The following MED1 variants were observed in gnomAD, a reference collection of about 807,000 sequenced individuals.
MED1 encodes the protein mediator of RNA polymerase II transcription subunit 1.
A neutral mutation model predicts 121.3 loss-of-function variants in MED1; 17 were observed. The ratio of observed to expected loss-of-function variants is 0.14; its 90% confidence interval spans 0.10 to 0.21. MED1 has a LOEUF of 0.21. Ranked by LOEUF, MED1 falls within the 10% of genes least tolerant of loss-of-function variation. The pLI, the probability that MED1 is intolerant of heterozygous loss-of-function variation, is 1.00. For missense variants in MED1, 1,558 were observed against 1,919.4 expected (o/e 0.81, Z 3.52); for synonymous variants, 661 against 694.4 (o/e 0.95, Z 0.76).
chr17:39,447,859 T>G lies in MED1; in HGVS notation c.71A>C (p.His24Pro). The G allele has an allele frequency of 6.2e-7, 1 of 1,613,904 alleles. No homozygotes were observed. The highest frequency in any genetic ancestry group is 8.5e-7 in the Non-Finnish European group (1 of 1,179,838). Residue 24 changes from histidine (H) to proline (P), a missense_variant, in exon 2 of 17, where the codon CAT becomes CCT. His to Pro is a moderately conservative substitution (Grantham distance 77, BLOSUM62 -2). Transcript: ENST00000300651. ...SKMSSLLERL[H>P]AKFNQNRPWS... ...GGGTCTATTTTGGTTAAATTTTGCA[T>G]GGAGCCGTTCCAGGAGAGAACTCAT...
At chr17:39,446,207 T>C (rs1345042932) in intron 2 of MED1, among the ~76,000 whole-genome samples, 2 of 151,584 alleles carry the variant, frequency 1.3e-5, no homozygotes, top group Admixed American at 6.6e-5. Flanking sequence ...TCCCAGCACT[T>C]TGAGAGGCCG....
chr17:39,409,367 C>G lies in MED1; in HGVS notation c.2854G>C (p.Gly952Arg). 1 of 1,614,048 alleles carries G rather than the reference C, an allele frequency of 6.2e-7. No homozygotes were observed. The highest frequency in any genetic ancestry group is 8.5e-7 in the Non-Finnish European group (1 of 1,180,006). Reference protein sequence around the residue: ...APADLMEHHSGSQGPLLTTGD... With the variant: ...APADLMEHHSRSQGPLLTTGD... ...GTGGTCAGTAAAGGACCCTGACTACCACTGTGATGCTCCATAAGATCTGCA... is the reference window on the plus strand; with the variant it reads ...GTGGTCAGTAAAGGACCCTGACTACGACTGTGATGCTCCATAAGATCTGCA... Residue 952 changes from glycine to arginine, a missense_variant, in exon 17 of 17, where the codon GGT becomes CGT. By Grantham distance (125) the Gly-to-Arg change is moderately radical. Coordinates refer to ENST00000300651, the MANE Select transcript of MED1 (RefSeq NM_004774.4).
At chr17:39,415,814 C>CAA (rs61614470) in intron 14 of MED1, among the ~76,000 whole-genome samples, 81 of 40,632 alleles carry the variant, frequency 2.0e-3, no homozygotes, top group African/African-American at 4.9e-3. Context: ...GACTCCATCT[C>CAA]AAAAAAAAAA....
chr17:39,415,814 C>CAAA (rs61614470), intron 14 of MED1, among the ~76,000 whole-genome samples: 5 of 40,638 alleles, frequency 1.2e-4, no homozygotes, highest in African/African-American at 3.1e-4. Flanking sequence ...GACTCCATCT[C>CAAA]AAAAAAAAAA....
In MED1 at chr17:39,440,690, G is replaced by A. The variant is rs1567652351; in HGVS notation, c.212-13C>T. On this transcript the variant is annotated splice_polypyrimidine_tract_variant and intron_variant, in intron 3 of 16. Transcript: ENST00000300651. This position sits in a 1 kb window ranked among gnomAD's most constrained non-coding sequence, Gnocchi z 4.1. ...GGTAAAGATGTTACTATAAAAGGATGAAAAAAGGAGTCACAAAGAATGCTC... is the reference window on the plus strand; with the variant it reads ...GGTAAAGATGTTACTATAAAAGGATAAAAAAAGGAGTCACAAAGAATGCTC... The A allele has an allele frequency of 1.9e-6, 3 of 1,603,434 alleles. No homozygotes were observed. Among genetic ancestry groups the A allele is most frequent in the Non-Finnish European group, 2.6e-6 (3 of 1,174,806 alleles).
chr17:39,431,677 A>G (rs1054138221), intron 8 of MED1, among the ~76,000 whole-genome samples: 17 of 152,222 alleles, frequency 1.1e-4, no homozygotes, highest in Non-Finnish European at 4.4e-5. Context: ...CCAAGTACAC[A>G]CCAGTATGTA....
At chr17:39,423,470 T>C (rs760243355) in intron 12 of MED1, 25 bp from the exon 13 acceptor site, 4 of 1,562,472 alleles carry the variant, frequency 2.6e-6, no homozygotes, top group Admixed American at 1.7e-5. Context: ...ATCAATATAA[T>C]GATCATGTTA....
chr17:39,440,272 C>T lies in MED1; in HGVS notation c.399+114G>A. ...TTTGTAGCCCATCACATCATCTCTA[C>T]AGTGGCTCATGGAAAAACCTAAACC... On this transcript the variant is annotated intron_variant, in intron 5 of 16. Transcript: ENST00000300651. The surrounding 1 kb of genome is among the most constrained non-coding windows in gnomAD (Gnocchi z 4.1). 9.2e-7 allele frequency: 1 copy of T among 1,081,902 alleles called. No individual in the cohort carries two copies. Among genetic ancestry groups the T allele is most frequent in the Non-Finnish European group, 1.3e-6 (1 of 769,516 alleles). The allele number at this position is 1,081,902 out of a possible 1,614,324, so 67.0% of individuals were successfully genotyped here.
At chr17:39,428,353 A>T (rs958608574) in intron 9 of MED1, among the ~76,000 whole-genome samples, 13 of 152,126 alleles carry the variant, frequency 8.5e-5, no homozygotes, top group African/African-American at 2.9e-4. Context: ...GCATGGTGGC[A>T]CGCGCCTGTA....
Position 39,410,687 on chromosome 17 carries a change from G to T in MED1, c.1534C>A (p.Arg512=), listed in dbSNP as rs370909230. 2.5e-6 allele frequency: 4 copies of T among 1,612,870 alleles called. No homozygotes were observed. The highest frequency in any genetic ancestry group is 1.1e-5 in the South Asian group (1 of 91,018). The change falls in exon 17 of 17, where the codon CGG becomes AGG. Residue 512 remains arginine (R), a synonymous_variant. Transcript: ENST00000300651. ...MSIPVTMRAI[R]RKAETIQADT... is the part of the protein sequence containing the mutation. ...GCTTGAATGGTTTCAGCTTTCCTCC[G>T]AATAGCCCTCATCGTCACAGGGATG...
At chr17:39,448,423 T>C (rs1351103478) in intron 1 of MED1, among the ~76,000 whole-genome samples, 1 of 150,868 alleles carries the variant, frequency 6.6e-6, no homozygotes, top group African/African-American at 2.4e-5. Context: ...GTGCCTGTAG[T>C]CAGTCCCCAG....
intron 7 of MED1, among the ~76,000 whole-genome samples, chr17:39,432,474 G>A (rs4410117): frequency 0.62 from 93,840 of 151,606 alleles, 32,179 homozygotes; most frequent in South Asian, 0.89. Flanking sequence ...CTGGCCAGGC[G>A]CAGTGGCTCA....
intron 16 of MED1, among the ~76,000 whole-genome samples, chr17:39,412,826 C>T (rs1597853567): frequency 6.6e-6 from 1 of 152,060 alleles, no homozygotes; most frequent in Admixed American, 6.6e-5. Flanking sequence ...GTGACCCCCG[C>T]ACCCGGCCGC....
rs186182890 is a variant in MED1, at chr17:39,432,779, A to C, written c.501-763T>G. Among the ~76,000 whole-genome samples the C allele has an allele frequency of 7.9e-5, 12 of 151,758 alleles. No homozygotes were observed. In the East Asian group the frequency reaches 1.4e-3, roughly 17 times the overall value. On this transcript the variant is annotated intron_variant, in intron 7 of 16. Coordinates refer to ENST00000300651, the MANE Select transcript of MED1 (RefSeq NM_004774.4). ...AAAAAAAAACAAAAACCAAAAAAAAAACTGGCCAGGCGCGGTGGCTCACGC... is the reference window on the plus strand; with the variant it reads ...AAAAAAAAACAAAAACCAAAAAAAACACTGGCCAGGCGCGGTGGCTCACGC...
chr17:39,435,307 C>G (rs2048607976), intron 6 of MED1, among the ~76,000 whole-genome samples: 1 of 151,198 alleles, frequency 6.6e-6, no homozygotes, highest in Non-Finnish European at 1.5e-5. Flanking sequence ...GGCAAAATAC[C>G]CATTAGAAAA....
rs769913254 is a variant in MED1 at position 39,427,806 on chromosome 17, C to A, written c.650-16G>T. The A allele has an allele frequency of 6.9e-7, 1 of 1,448,184 alleles. No individual in the cohort carries two copies. Among genetic ancestry groups the A allele is most frequent in the Admixed American group, 1.8e-5 (1 of 54,994 alleles). The allele number at this position is 1,448,184 out of a possible 1,614,324, so 89.7% of individuals were successfully genotyped here. On this transcript the variant is annotated splice_polypyrimidine_tract_variant and intron_variant, in intron 9 of 16. Coordinates refer to ENST00000300651, the MANE Select transcript of MED1 (RefSeq NM_004774.4). Reference sequence around the variant, plus strand: ...ATTAAATGACCTATAAAAAATAAAACTCATAACTGTATCTTTATCAGGTAA... The same window carrying A: ...ATTAAATGACCTATAAAAAATAAAAATCATAACTGTATCTTTATCAGGTAA...
intron 1 of MED1, among the ~76,000 whole-genome samples, chr17:39,450,390 C>T (rs1392006242): frequency 1.3e-5 from 2 of 152,212 alleles, no homozygotes; most frequent in Admixed American, 1.3e-4. Flanking sequence ...CAGGCAAGGA[C>T]TCTAATCTGC....
intron 6 of MED1, among the ~76,000 whole-genome samples, chr17:39,438,197 A>C (rs2048638073): frequency 6.7e-6 from 1 of 148,226 alleles, no homozygotes. Flanking sequence ...TCTGAGATGG[A>C]GTCTTGCTCT....
rs145055336 is a variant in MED1, at chr17:39,415,073, C to T, written c.1452G>A (p.Ser484=). The T allele has an allele frequency of 3.4e-5, 55 of 1,614,016 alleles. No homozygotes were observed. The highest frequency in any genetic ancestry group is 4.0e-5 in the African/African-American group (3 of 74,922). Residue 484 remains serine (S), a synonymous_variant, in exon 16 of 17, where the codon TCG becomes TCA. Transcript: ENST00000300651. Reference sequence around the variant, plus strand: ...AGTCATCTGTGCAGATCAGTGCATCCGACAGCCCTTTGTAGAGTTTACAGC... The same window carrying T: ...AGTCATCTGTGCAGATCAGTGCATCTGACAGCCCTTTGTAGAGTTTACAGC... ...HVSCKLYKGL[S]DALICTDDFI...
Sources: allele counts gnomAD v4.1 joint callset (sites outside exome capture counted in the v4.1 genomes callset), GRCh38; gene constraint gnomAD v4.1.1; non-coding constraint Gnocchi (gnomAD v3.1); transcripts MANE v1.5; gene names NCBI Gene and HGNC (gene_info 2026-07-23, HGNC 2026-07-21).